Variants in ZNF385D observed in about 807,000 individuals in gnomAD.
ZNF385D encodes zinc finger protein 659.
ZNF385D carries 15 observed loss-of-function variants against 35.8 expected under a neutral mutation model. The observed-to-expected ratio is 0.42, with a 90% CI of 0.28 to 0.64. ZNF385D has a LOEUF of 0.64. Among genes scored for constraint, ZNF385D ranks in the 30% least tolerant of loss-of-function variants. The pLI is 0.23. For synonymous variants in ZNF385D, 212 were observed against 186.8 expected, an observed-to-expected ratio of 1.13 and a Z score of -1.10; for missense variants, 474 against 494.6, an observed-to-expected ratio of 0.96 and a Z score of 0.39.
chr3:21,530,539 T>C (rs1340474894), intron 3 of ZNF385D, among the ~76,000 whole-genome samples: 1 of 152,176 alleles, frequency 6.6e-6, no homozygotes, highest in Non-Finnish European at 1.5e-5. Context: ...AGCTTTGGAT[T>C]AAGCTAATGG....
At chr3:21,916,517 C>A (rs1700199628) in intron 3 of ZNF385D, among the ~76,000 whole-genome samples, 2 of 152,098 alleles carry the variant, frequency 1.3e-5, no homozygotes, top group South Asian at 4.2e-4. Flanking sequence ...ATTTCTATAC[C>A]CCAAAGTCAC....
chr3:21,466,526 T>C (rs1269120950), intron 4 of ZNF385D, among the ~76,000 whole-genome samples: 21 of 152,134 alleles, frequency 1.4e-4, no homozygotes, highest in Admixed American at 1.4e-3. Context: ...ATACTATTAC[T>C]AAAGCATATA....
In ZNF385D at chr3:21,435,011, G is replaced by A. The variant is rs139146482; in HGVS notation, c.673+1959C>T. Among the ~76,000 whole-genome samples, 118 of 152,180 alleles carry A rather than the reference G, an allele frequency of 7.8e-4. 2 individuals are homozygous for A. In the East Asian group the frequency reaches 0.021, roughly 27 times the overall value. ...TCAGCTCTGCCTGCAAAACACTGAA[G>A]TTTTATTTATTTATTTTTCTCCAAA... On this transcript the variant is annotated intron_variant, in intron 5 of 7. Transcript: ENST00000281523.
intron 3 of ZNF385D, among the ~76,000 whole-genome samples, chr3:22,097,153 A>G (rs1401879190): frequency 6.6e-6 from 1 of 152,148 alleles, no homozygotes; most frequent in Non-Finnish European, 1.5e-5. Flanking sequence ...GCCATTCTGC[A>G]TGAGCTGCGC....
intron 4 of ZNF385D, among the ~76,000 whole-genome samples, chr3:21,438,993 A>G (rs1285462560): frequency 1.3e-5 from 2 of 152,124 alleles, no homozygotes; most frequent in Admixed American, 1.3e-4. Flanking sequence ...ATGGTGCCAT[A>G]GCTGATTATT....
At chr3:22,367,416 T>G (rs1696705175) in intron 2 of ZNF385D, among the ~76,000 whole-genome samples, 1 of 152,164 alleles carries the variant, frequency 6.6e-6, no homozygotes, top group Non-Finnish European at 1.5e-5. Context: ...ATGTCAAGTT[T>G]TACTGTGAAT....
chr3:22,198,403 G>T (rs759727475), intron 2 of ZNF385D, among the ~76,000 whole-genome samples: 1 of 152,080 alleles, frequency 6.6e-6, no homozygotes, highest in Non-Finnish European at 1.5e-5. Flanking sequence ...TAATGATCTG[G>T]TACTAAGCAT....
Position 22,297,301 on chromosome 3 carries a change from A to G in ZNF385D, c.106+75149T>C, listed in dbSNP as rs181334950. ...ACCCCAAATGACATATCCCAAATCA[A>G]TCCATCTCCTCCGCCTTTCCCTTCA... is the stretch of plus-strand genomic sequence containing the variant. On this transcript the variant is annotated intron_variant, in intron 2 of 5. Coordinates refer to the ZNF385D transcript ENST00000494108. Among the ~76,000 whole-genome samples the G allele has an allele frequency of 1.7e-4, 26 of 151,868 alleles. No homozygotes were observed. The East Asian group carries it at 5.1e-3, about 30-fold the overall frequency.
At chr3:21,802,324 C>G (rs2072442455) in intron 3 of ZNF385D, among the ~76,000 whole-genome samples, 1 of 152,044 alleles carries the variant, frequency 6.6e-6, no homozygotes. Flanking sequence ...TTTGATAAAT[C>G]CAAATATCAA....
intron 4 of ZNF385D, among the ~76,000 whole-genome samples, chr3:21,492,301 A>G (rs1023955974): frequency 1.3e-5 from 2 of 151,974 alleles, no homozygotes; most frequent in African/African-American, 4.8e-5. Context: ...ATTATTAAAA[A>G]CCAATAGCTA....
chr3:21,624,454 A>C (rs186351561), intron 2 of ZNF385D, among the ~76,000 whole-genome samples: 1 of 152,120 alleles, frequency 6.6e-6, no homozygotes, highest in South Asian at 2.1e-4. Context: ...TACATATAAA[A>C]GATGAAAAAG....
intron 2 of ZNF385D, among the ~76,000 whole-genome samples, chr3:22,209,106 G>A (rs1697348757): frequency 2.6e-5 from 4 of 151,790 alleles, no homozygotes; most frequent in African/African-American, 7.3e-5. Flanking sequence ...CTGCTCCTCC[G>A]ATTCATTCAG....
chr3:21,984,934 A>G (rs1286759954), intron 3 of ZNF385D, among the ~76,000 whole-genome samples: 1 of 148,840 alleles, frequency 6.7e-6, no homozygotes, highest in East Asian at 2.0e-4. Context: ...AGCAATTGTG[A>G]ATGGGAGTTC....
chr3:21,734,075 AAATT>A (rs1320417154), intron 1 of ZNF385D, among the ~76,000 whole-genome samples: 2 of 152,142 alleles, frequency 1.3e-5, no homozygotes, highest in Non-Finnish European at 2.9e-5. Flanking sequence ...TCTTTCAGAT[AAATT>A]ATAGTATCAC....
intron 3 of ZNF385D, among the ~76,000 whole-genome samples, chr3:22,026,890 A>G (rs1222103418): frequency 6.6e-6 from 1 of 152,210 alleles, no homozygotes; most frequent in Non-Finnish European, 1.5e-5. Context: ...AGACAGAGGG[A>G]TCTTGGAGAA....
chr3:22,178,144 C>T (rs550307882), intron 2 of ZNF385D, among the ~76,000 whole-genome samples: 10 of 152,196 alleles, frequency 6.6e-5, no homozygotes, highest in African/African-American at 2.2e-4. Flanking sequence ...CTTCTAGATC[C>T]CTGAGGAATC....
intron 2 of ZNF385D, among the ~76,000 whole-genome samples, chr3:22,251,014 A>G (rs189066378): frequency 6.6e-6 from 1 of 152,042 alleles, no homozygotes; most frequent in African/African-American, 2.4e-5. Context: ...GACAACACCA[A>G]TCAATCGCCC....
intron 1 of ZNF385D, among the ~76,000 whole-genome samples, chr3:21,742,029 T>C (rs1197759927): frequency 6.6e-6 from 1 of 152,190 alleles, no homozygotes. Flanking sequence ...TTAAACTGCA[T>C]AGCTGAACAT....
rs138031604 is a variant in ZNF385D, at chr3:21,979,087, G to A, written c.325+189730C>T. On this transcript the variant is annotated intron_variant, in intron 3 of 5. Coordinates refer to the ZNF385D transcript ENST00000494108. ...TAGAAAATAGTTGTGACTATCTCCA[G>A]TACATGCCAATTTTTTTTCAATGGT... 2.6e-3 allele frequency among the ~76,000 whole-genome samples: 395 copies of A among 152,136 alleles called. 2 individuals carry two copies. The highest frequency in any genetic ancestry group is 9.1e-3 in the African/African-American group (377 of 41,498).
Sources: gnomAD v4.1 joint callset for allele counts (sites outside exome capture counted in the v4.1 genomes callset) on GRCh38, gnomAD v4.1.1 for gene constraint, MANE v1.5 for transcripts, NCBI Gene and HGNC (gene_info 2026-07-23, HGNC 2026-07-21) for gene names.